PDE10A: variants seen among roughly 807,000 people sequenced by gnomAD.
The protein encoded by PDE10A is cAMP and cAMP-inhibited cGMP 3',5'-cyclic phosphodiesterase 10A.
PDE10A carries 39 observed loss-of-function variants against 97.7 expected under a neutral mutation model. The observed-to-expected ratio is 0.40, with a 90% CI of 0.31 to 0.52. PDE10A has a LOEUF of 0.52. Ranked by LOEUF, PDE10A falls within the 20% of genes least tolerant of loss-of-function variation. PDE10A has a pLI of 0.56. For synonymous variants in PDE10A, 371 were observed against 376.8 expected (o/e 0.98, Z 0.18); for missense variants, 731 against 1,047.8 (o/e 0.70, Z 4.17).
At chr6:165,466,255 G>T (rs541194608) in intron 3 of PDE10A, among the ~76,000 whole-genome samples, 1 of 152,312 alleles carries the variant, frequency 6.6e-6, no homozygotes, top group African/African-American at 2.4e-5. Context: ...ACACTAACAA[G>T]TTTAGCGAAA....
chr6:165,574,045 G>T (rs1785183542), intron 1 of PDE10A, among the ~76,000 whole-genome samples: 1 of 152,188 alleles, frequency 6.6e-6, no homozygotes, highest in Admixed American at 6.5e-5. Context: ...GTTAAAGTTA[G>T]GAGCGAAGCA....
At chr6:165,923,107 C>T (rs894192545) in intron 1 of PDE10A, among the ~76,000 whole-genome samples, 2 of 152,180 alleles carry the variant, frequency 1.3e-5, no homozygotes, top group Non-Finnish European at 1.5e-5. Flanking sequence ...TTTGCTAAAG[C>T]TTGGTGAGAT....
intron 1 of PDE10A, among the ~76,000 whole-genome samples, chr6:165,839,843 T>TC (rs1562762429): frequency 9.4e-6 from 1 of 106,550 alleles, no homozygotes; most frequent in African/African-American, 3.6e-5. Flanking sequence ...TCTCCATTCT[T>TC]ATCATCTCCA....
chr6:165,896,921 C>T (rs1445128270), intron 1 of PDE10A, among the ~76,000 whole-genome samples: 3 of 152,272 alleles, frequency 2.0e-5, no homozygotes, highest in Non-Finnish European at 2.9e-5. Flanking sequence ...CCACCCATCT[C>T]GGTCTCTCAA....
chr6:165,825,349 T>C (rs1373001001), intron 1 of PDE10A, among the ~76,000 whole-genome samples: 1 of 151,978 alleles, frequency 6.6e-6, no homozygotes, highest in African/African-American at 2.4e-5. Flanking sequence ...AAAGTGGTTT[T>C]TAATTGCACC....
At chr6:165,649,021 C>A (rs1399094344) in intron 1 of PDE10A, among the ~76,000 whole-genome samples, 1 of 152,148 alleles carries the variant, frequency 6.6e-6, no homozygotes, top group East Asian at 1.9e-4. Flanking sequence ...AGAACAGTCT[C>A]CTGTGAGAAA....
chr6:165,931,984 C>T (rs971024509), intron 1 of PDE10A, among the ~76,000 whole-genome samples: 1 of 152,152 alleles, frequency 6.6e-6, no homozygotes, highest in African/African-American at 2.4e-5. Context: ...GTCAGAGTCC[C>T]CTCACGAGGC....
intron 1 of PDE10A, among the ~76,000 whole-genome samples, chr6:165,658,501 G>T (rs1014515896): frequency 1.3e-5 from 2 of 152,198 alleles, no homozygotes; most frequent in East Asian, 3.9e-4. Flanking sequence ...AGAGAGGTGC[G>T]GGCGTATTTG....
intron 16 of PDE10A, among the ~76,000 whole-genome samples, chr6:165,390,731 G>A (rs1311882157): frequency 6.6e-6 from 1 of 152,134 alleles, no homozygotes; most frequent in Non-Finnish European, 1.5e-5. Context: ...GCTGCGATGG[G>A]AGTCAGCAGA....
chr6:165,522,501 T>TA (rs1196604675), intron 2 of PDE10A, among the ~76,000 whole-genome samples: 3 of 151,776 alleles, frequency 2.0e-5, no homozygotes, highest in Admixed American at 6.6e-5. Context: ...AAAGACCACA[T>TA]AAAAAAAGGT....
chr6:165,512,665 T>C (rs889311934), intron 2 of PDE10A, among the ~76,000 whole-genome samples: 11 of 152,206 alleles, frequency 7.2e-5, no homozygotes, highest in Admixed American at 3.9e-4. Context: ...TACACATTTC[T>C]TGATGCAGGC....
chr6:165,335,942 C>T (rs984394410), intron 21 of PDE10A, among the ~76,000 whole-genome samples, 181 bp downstream of exon 21: 1 of 152,160 alleles, frequency 6.6e-6, no homozygotes, highest in Non-Finnish European at 1.5e-5. Flanking sequence ...GAGAATTGAA[C>T]CAAAGGGGAG....
intron 1 of PDE10A, among the ~76,000 whole-genome samples, chr6:165,844,594 G>T (rs967613366): frequency 2.0e-5 from 3 of 152,120 alleles, no homozygotes; most frequent in African/African-American, 7.2e-5. Context: ...TTATATAAAA[G>T]TTAACTTAAA....
At chr6:165,918,816 C>T (rs144666013) in intron 1 of PDE10A, among the ~76,000 whole-genome samples, 75 of 151,902 alleles carry the variant, frequency 4.9e-4, no homozygotes, top group African/African-American at 1.8e-3. Flanking sequence ...AGTGTGGACC[C>T]CTGGGAAGTT....
At chr6:165,987,643 C>CA (rs1424342426) in exon 1 of PDE10A, 1 of 446,674 alleles carries the variant, frequency 2.2e-6, no homozygotes, top group Non-Finnish European at 4.5e-6. Context: ...GCCGGGAGCA[C>CA]AGTGGGTCCA....
chr6:165,439,673 A>G (rs1427237284), intron 5 of PDE10A, among the ~76,000 whole-genome samples: 2 of 152,240 alleles, frequency 1.3e-5, no homozygotes, highest in Non-Finnish European at 2.9e-5. Context: ...TTGTGGTAAC[A>G]GCAAATTTTT....
intron 1 of PDE10A, among the ~76,000 whole-genome samples, chr6:165,869,206 A>T (rs1431000574): frequency 1.3e-5 from 2 of 152,068 alleles, no homozygotes; most frequent in Non-Finnish European, 2.9e-5. Flanking sequence ...AAACCTAAAG[A>T]TCCACCAAAA....
chr6:165,358,412 T>C (rs915206153), intron 18 of PDE10A, among the ~76,000 whole-genome samples: 1 of 152,156 alleles, frequency 6.6e-6, no homozygotes, highest in Non-Finnish European at 1.5e-5. Flanking sequence ...ATTATGTCTT[T>C]TGTACATTGA....
chr6:165,774,831 CTTTTTTTT>C (rs5881660), intron 1 of PDE10A: 1 of 107,886 alleles, frequency 9.3e-6, no homozygotes, highest in African/African-American at 3.4e-5. Flanking sequence ...ACTTTTTTTT[CTTTTTTTT>C]TTTTTTTTTT....
Sources: gnomAD v4.1 joint callset for allele counts (sites outside exome capture counted in the v4.1 genomes callset) on GRCh38, gnomAD v4.1.1 for gene constraint, MANE v1.5 for transcripts, NCBI Gene and HGNC (gene_info 2026-07-23, HGNC 2026-07-21) for gene names.